Variants in SLC6A6 observed in about 807,000 individuals in gnomAD.
SLC6A6 encodes sodium- and chloride-dependent taurine transporter.
A neutral mutation model predicts 68.8 loss-of-function variants in SLC6A6; 16 were observed. The ratio of observed to expected loss-of-function variants is 0.23; its 90% CI spans 0.16 to 0.35. The LOEUF is 0.35. Among genes scored for constraint, SLC6A6 ranks in the 10% least tolerant of loss-of-function variants. SLC6A6 has a pLI of 1.00. For missense variants in SLC6A6, 474 were observed against 802.8 expected (o/e 0.59, Z 4.95); for synonymous variants, 312 against 315.4 (o/e 0.99, Z 0.12).
At chr3:14,479,395 A>G (rs1700957307) in intron 13 of SLC6A6, among the ~76,000 whole-genome samples, 1 of 152,256 alleles carries the variant, frequency 6.6e-6, no homozygotes, top group African/African-American at 2.4e-5. Flanking sequence ...TGTCAGGAGT[A>G]GAAAACAAGA....
chr3:14,463,199 C>G (rs963121944), intron 6 of SLC6A6, among the ~76,000 whole-genome samples: 2 of 152,186 alleles, frequency 1.3e-5, no homozygotes, highest in East Asian at 3.9e-4. Flanking sequence ...GGATCCATCC[C>G]GCATCCACCA....
intron 4 of SLC6A6, among the ~76,000 whole-genome samples, chr3:14,446,723 A>G (rs1477114982): frequency 6.6e-6 from 1 of 152,228 alleles, no homozygotes; most frequent in South Asian, 2.1e-4. Flanking sequence ...AAATAGAAAT[A>G]TAGTCGTATG....
intron 5 of SLC6A6, among the ~76,000 whole-genome samples, chr3:14,449,128 G>A (rs945737159): frequency 1.3e-5 from 2 of 152,228 alleles, no homozygotes; most frequent in Non-Finnish European, 2.9e-5. Context: ...ACTGGCCCCA[G>A]CCATGCTTTG....
intron 1 of SLC6A6, among the ~76,000 whole-genome samples, chr3:14,413,911 A>C (rs986122942): frequency 2.6e-5 from 4 of 152,220 alleles, no homozygotes; most frequent in African/African-American, 9.6e-5. Flanking sequence ...GGCAGAAATC[A>C]GTTCAAACAG....
intron 7 of SLC6A6, among the ~76,000 whole-genome samples, chr3:14,466,862 C>G (rs571891248): frequency 6.6e-6 from 1 of 152,334 alleles, no homozygotes; most frequent in South Asian, 2.1e-4. Flanking sequence ...CTGTGTGCAT[C>G]TCTTTTCATG....
chr3:14,427,932 A>T (rs918846356), intron 2 of SLC6A6, among the ~76,000 whole-genome samples: 1 of 152,122 alleles, frequency 6.6e-6, no homozygotes, highest in Non-Finnish European at 1.5e-5. Flanking sequence ...GGTACTCAGT[A>T]CTTTGCATGG....
intron 1 of SLC6A6, among the ~76,000 whole-genome samples, chr3:14,408,239 T>C (rs1347621251): frequency 1.3e-5 from 2 of 152,194 alleles, no homozygotes; most frequent in African/African-American, 2.4e-5. Context: ...AATACGAAAC[T>C]GCATAAACTA....
At chr3:14,418,919 G>C (rs762541698) in intron 2 of SLC6A6, among the ~76,000 whole-genome samples, 17 of 152,182 alleles carry the variant, frequency 1.1e-4, no homozygotes, top group African/African-American at 3.6e-4. Context: ...GGCTGGGAAC[G>C]GCCTCTGGGC....
chr3:14,487,100 C>A lies in SLC6A6; in HGVS notation c.*2093C>A, dbSNP rs914110068. The A allele has an allele frequency of 6.6e-6, 1 of 152,664 alleles. No individual in the cohort carries two copies. Among genetic ancestry groups the A allele is most frequent in the Non-Finnish European group, 1.5e-5 (1 of 68,050 alleles). 9.5% of individuals were successfully genotyped at this position (152,664 alleles called of 1,614,324 possible). ...CACGTGGGGAAGAGGGGACTTGGCA[C>A]GCAGTGGCTACCTGGGCATTTGTGG... On this transcript the variant is annotated 3_prime_UTR_variant, in exon 15 of 15. Transcript: ENST00000622186.
In SLC6A6 at chr3:14,402,980, G is replaced by A; in HGVS notation, c.-54+133G>A. ...CCCATCCGGCGCCCCTTTCACCACCGCGGAAGGGACCGAGAGTCGCCTGCT... is the reference window on the plus strand; with the variant it reads ...CCCATCCGGCGCCCCTTTCACCACCACGGAAGGGACCGAGAGTCGCCTGCT... On this transcript the variant is annotated intron_variant, in intron 1 of 14. Transcript: ENST00000622186. The surrounding 1 kb of genome is among the most constrained non-coding windows in gnomAD (Gnocchi z 4.8). 1 of 380,176 alleles carries A rather than the reference G, an allele frequency of 2.6e-6. No homozygotes were observed. The highest frequency in any genetic ancestry group is 4.7e-6 in the Non-Finnish European group (1 of 214,718). 23.6% of individuals were successfully genotyped at this position (380,176 alleles called of 1,614,324 possible). A position where few individuals can be genotyped will look rare whatever the true frequency, so the allele number is the denominator to read the frequency against.
chr3:14,423,158 C>T (rs1324478756), intron 2 of SLC6A6, among the ~76,000 whole-genome samples: 1 of 152,218 alleles, frequency 6.6e-6, no homozygotes, highest in Non-Finnish European at 1.5e-5. Flanking sequence ...TGTAGAGGAA[C>T]CCAGAGGACT....
chr3:14,447,560 A>G (rs1700155340), intron 4 of SLC6A6, 22 bp from the exon 5 acceptor site: 1 of 1,613,602 alleles, frequency 6.2e-7, no homozygotes, highest in Admixed American at 1.7e-5. Flanking sequence ...ATGTTTACTC[A>G]TCTCATTTGC....
At chr3:14,405,314 C>G (rs576414117) in intron 1 of SLC6A6, among the ~76,000 whole-genome samples, 1 of 152,170 alleles carries the variant, frequency 6.6e-6, no homozygotes, top group Non-Finnish European at 1.5e-5. Flanking sequence ...CAAGGCAGTC[C>G]GGGCTCTGGG....
In SLC6A6 at chr3:14,452,361, G is replaced by A. The variant is rs149130577; in HGVS notation, c.599+4545G>A. On this transcript the variant is annotated intron_variant, in intron 5 of 14. Transcript: ENST00000622186. ...TTGAGTGTTTTGGAGCTAAGACCAG[G>A]GATGTGCTTTGCAGGGGGCCACGGG... Among the ~76,000 whole-genome samples, 119 of 152,336 alleles carry A rather than the reference G, an allele frequency of 7.8e-4. 2 individuals are homozygous for A. The highest frequency in any genetic ancestry group is 2.1e-3 in the African/African-American group (89 of 41,580).
intron 2 of SLC6A6, among the ~76,000 whole-genome samples, chr3:14,416,755 A>G (rs1402026537): frequency 1.3e-5 from 2 of 152,262 alleles, no homozygotes; most frequent in Admixed American, 1.3e-4. Context: ...TCTGCTGCAG[A>G]GTAGCCTGGG....
At chr3:14,474,382 C>T (rs1459550273) in intron 10 of SLC6A6, among the ~76,000 whole-genome samples, 1 of 152,154 alleles carries the variant, frequency 6.6e-6, no homozygotes, top group East Asian at 1.9e-4. Flanking sequence ...GGTGACCACA[C>T]ATTTACCATC....
At chr3:14,428,335 G>A (rs532567874) in intron 2 of SLC6A6, among the ~76,000 whole-genome samples, 44 of 152,354 alleles carry the variant, frequency 2.9e-4, no homozygotes, top group Admixed American at 1.4e-3. Context: ...CGGCGGGCAT[G>A]GTGCCCAAGA....
chr3:14,457,916 C>T (rs761898015), intron 5 of SLC6A6, 34 bp from the exon 6 acceptor site: 14 of 1,611,896 alleles, frequency 8.7e-6, no homozygotes, highest in Non-Finnish European at 1.1e-5. Flanking sequence ...GGGCCAGGCC[C>T]CTCACTGACT....
At chr3:14,453,945 AGG>A (rs1700309261) in intron 5 of SLC6A6, among the ~76,000 whole-genome samples, 2 of 152,164 alleles carry the variant, frequency 1.3e-5, no homozygotes, top group African/African-American at 2.4e-5. Context: ...CTGAAGGAGG[AGG>A]AAGTGATGCT....
Sources: gnomAD v4.1 joint callset for allele counts (sites outside exome capture counted in the v4.1 genomes callset) on GRCh38, gnomAD v4.1.1 for gene constraint, Gnocchi (gnomAD v3.1) non-coding constraint, MANE v1.5 for transcripts, NCBI Gene and HGNC (gene_info 2026-07-23, HGNC 2026-07-21) for gene names.